The following PTPRT variants were observed in gnomAD, a reference collection of about 807,000 sequenced individuals.
PTPRT encodes the protein protein tyrosine phosphatase receptor type T, also known as receptor-type tyrosine-protein phosphatase T.
A neutral mutation model predicts 176.8 loss-of-function variants in PTPRT; 56 were observed. That is an observed-to-expected ratio of 0.32 (90% CI 0.26 to 0.40). The LOEUF is 0.40. Ranked by LOEUF, PTPRT falls within the 10% of genes least tolerant of loss-of-function variation. The probability of loss-of-function intolerance (pLI) is 1.00; values close to 1 mark genes in which losing one functional copy is unlikely to be tolerated. For synonymous variants in PTPRT, 783 were observed against 739.0 expected (o/e 1.06, Z -0.96); for missense variants, 1,540 against 1,908.2 (o/e 0.81, Z 3.60).
At chr20:42,656,978 C>A (rs565960480) in intron 7 of PTPRT, among the ~76,000 whole-genome samples, 1 of 152,238 alleles carries the variant, frequency 6.6e-6, no homozygotes, top group Non-Finnish European at 1.5e-5. Context: ...CAAATATCAT[C>A]TTGAATTGTA....
At chr20:42,965,085 A>G (rs1982216413) in intron 1 of PTPRT, among the ~76,000 whole-genome samples, 1 of 152,214 alleles carries the variant, frequency 6.6e-6, no homozygotes, top group Non-Finnish European at 1.5e-5. Flanking sequence ...AAGTAAACTC[A>G]CTGCTTTTTC....
chr20:42,220,137 C>T (rs565908210), intron 15 of PTPRT, among the ~76,000 whole-genome samples: 1 of 152,076 alleles, frequency 6.6e-6, no homozygotes, highest in East Asian at 1.9e-4. Flanking sequence ...GTACAATTTA[C>T]AGTAGCACCC....
chr20:42,775,173 T>C (rs1317865026), intron 4 of PTPRT, among the ~76,000 whole-genome samples: 1 of 152,236 alleles, frequency 6.6e-6, no homozygotes, highest in East Asian at 1.9e-4. Flanking sequence ...AACAGAAGAC[T>C]GGCTGTGCAT....
At chr20:42,045,517 C>T in the PTPRT span, among the ~76,000 whole-genome samples, 2 of 151,430 alleles carry the variant, frequency 1.3e-5, no homozygotes, top group Admixed American at 6.6e-5. Context: ...ATTCACCAAG[C>T]GAGAGGCTTC....
rs142715917 is a variant in PTPRT at position 42,321,718 on chromosome 20, C to T, written c.1866-5722G>A. Among the ~76,000 whole-genome samples the T allele has an allele frequency of 1.7e-4, 26 of 152,276 alleles. 1 individual carries two copies. In the East Asian group the frequency reaches 5.0e-3, roughly 29 times the overall value. ...CTGCCAACTTCATGAGGTCTGAGAT[C>T]TTGTCATCTAATTCATTGCTTCTAA... On this transcript the variant is annotated intron_variant, in intron 11 of 30. Coordinates refer to ENST00000373187, the MANE Select transcript of PTPRT (RefSeq NM_007050.6).
At chr20:42,404,388 A>G (rs914720886) in intron 9 of PTPRT, among the ~76,000 whole-genome samples, 4 of 151,894 alleles carry the variant, frequency 2.6e-5, no homozygotes, top group African/African-American at 4.8e-5. Flanking sequence ...ACCTCCACAC[A>G]CCCTCCAACA....
At chr20:42,373,136 G>A (rs985089726) in intron 9 of PTPRT, among the ~76,000 whole-genome samples, 5 of 152,284 alleles carry the variant, frequency 3.3e-5, no homozygotes, top group East Asian at 1.9e-4. Flanking sequence ...TATACATTGC[G>A]TTATTTACTT....
intron 9 of PTPRT, among the ~76,000 whole-genome samples, chr20:42,413,229 T>C (rs1048642456): frequency 2.0e-5 from 3 of 152,054 alleles, no homozygotes; most frequent in Non-Finnish European, 4.4e-5. Context: ...AAAAGCTAAA[T>C]AAATCAATAA....
At chr20:43,186,556 T>C (rs1447909508) in intron 1 of PTPRT, among the ~76,000 whole-genome samples, 1 of 152,174 alleles carries the variant, frequency 6.6e-6, no homozygotes, top group Non-Finnish European at 1.5e-5. Flanking sequence ...TACGACTACA[T>C]GGAATACCAT....
chr20:42,940,484 CA>C, intron 1 of PTPRT, among the ~76,000 whole-genome samples: 1 of 152,042 alleles, frequency 6.6e-6, no homozygotes. Flanking sequence ...AAAATGAATC[CA>C]AAAAGACAGG....
intron 9 of PTPRT, among the ~76,000 whole-genome samples, chr20:42,391,294 C>T (rs945158510): frequency 3.9e-5 from 6 of 152,120 alleles, no homozygotes; most frequent in Non-Finnish European, 5.9e-5. Flanking sequence ...GCTTCAGCAG[C>T]AAGAGAAGAG....
At chr20:43,061,123 G>GATGGATGT (rs397748408) in intron 1 of PTPRT, among the ~76,000 whole-genome samples, 5 of 151,930 alleles carry the variant, frequency 3.3e-5, no homozygotes, top group Non-Finnish European at 7.4e-5. Flanking sequence ...TGGATGGATG[G>GATGGATGT]TCAGTCAGGG....
chr20:42,938,231 T>C (rs953804413), intron 1 of PTPRT, among the ~76,000 whole-genome samples: 3 of 152,196 alleles, frequency 2.0e-5, no homozygotes, highest in African/African-American at 7.2e-5. Context: ...CTGGACAGGA[T>C]GGAATGTGCA....
At chr20:43,105,990 A>G (rs2012589006) in intron 1 of PTPRT, among the ~76,000 whole-genome samples, 1 of 152,132 alleles carries the variant, frequency 6.6e-6, no homozygotes, top group African/African-American at 2.4e-5. Flanking sequence ...ATTCACAAGG[A>G]TGCAACAGGT....
intron 7 of PTPRT, among the ~76,000 whole-genome samples, chr20:42,493,128 C>T (rs1246222961): frequency 2.0e-5 from 3 of 152,142 alleles, no homozygotes; most frequent in African/African-American, 7.2e-5. Flanking sequence ...AGGGACTTGG[C>T]TAAGCATTTT....
chr20:42,032,352 CAGAG>C, the PTPRT span, among the ~76,000 whole-genome samples: 3 of 152,116 alleles, frequency 2.0e-5, no homozygotes, highest in Non-Finnish European at 4.4e-5. Flanking sequence ...AGAGAAGAGA[CAGAG>C]AGAGCTCTTG....
intron 6 of PTPRT, among the ~76,000 whole-genome samples, chr20:42,712,094 A>C (rs1318680361): frequency 1.3e-5 from 2 of 152,172 alleles, no homozygotes; most frequent in Non-Finnish European, 2.9e-5. Context: ...CTAATGAGAC[A>C]AAGGTGATGC....
At chr20:42,270,277 G>GGGGTGGGTGGGT in intron 13 of PTPRT, 1 of 786,982 alleles carries the variant, frequency 1.3e-6, no homozygotes, top group Non-Finnish European at 2.1e-6. Context: ...AATGGGTGGG[G>GGGGTGGGTGGGT]GGGTGGGTGG....
intron 12 of PTPRT, among the ~76,000 whole-genome samples, chr20:42,301,281 A>G (rs2057464426): frequency 6.6e-6 from 1 of 152,172 alleles, no homozygotes; most frequent in African/African-American, 2.4e-5. Flanking sequence ...TATTCCTGAC[A>G]AAAATGCATA....
Sources: gnomAD v4.1 joint callset for allele counts (sites outside exome capture counted in the v4.1 genomes callset) on GRCh38, gnomAD v4.1.1 for gene constraint, MANE v1.5 for transcripts, NCBI Gene and HGNC (gene_info 2026-07-23, HGNC 2026-07-21) for gene names.